Variants in SULT1C4 observed in about 807,000 individuals in gnomAD.
SULT1C4 encodes sulfotransferase family 1C member 4.
SULT1C4 carries 32 observed loss-of-function variants against 34.8 expected under a neutral mutation model. The ratio of observed to expected loss-of-function variants is 0.92; its 90% CI spans 0.69 to 1.23. SULT1C4 has a LOEUF of 1.23. SULT1C4 is among the 50% of genes most tolerant of loss of function. SULT1C4 has a pLI of 0.00. For missense variants in SULT1C4, 375 were observed against 365.9 expected, an observed-to-expected ratio of 1.02 and a Z score of -0.20; for synonymous variants, 111 against 120.5, an observed-to-expected ratio of 0.92 and a Z score of 0.51.
At chr2:108,384,194 G>A (rs990135659) in intron 5 of SULT1C4, among the ~76,000 whole-genome samples, 1 of 151,252 alleles carries the variant, frequency 6.6e-6, no homozygotes, top group Non-Finnish European at 1.5e-5. Flanking sequence ...TAGCACTGAG[G>A]AACATAATAC....
In SULT1C4 at chr2:108,378,638, T is replaced by C. The variant is rs1420935817; in HGVS notation, c.169+132T>C. The C allele has an allele frequency of 1.0e-5, 10 of 969,942 alleles. No homozygotes were observed. The African/African-American group carries it at 1.5e-4, about 14-fold the overall frequency. 60.1% of individuals were successfully genotyped at this position (969,942 alleles called of 1,614,324 possible). A position where few individuals can be genotyped will look rare whatever the true frequency, so the allele number is the denominator to read the frequency against. On this transcript the variant is annotated intron_variant, in intron 1 of 6. Coordinates refer to ENST00000272452, the MANE Select transcript of SULT1C4 (RefSeq NM_006588.4). The stretch of plus-strand genomic sequence containing the variant: ...GAGTGATATGGCTAAGGAAAGTTAC[T>C]AGTGGAAACTGAAGCTATACCGAAA...
chr2:108,382,230 A>G (rs1347270104), intron 2 of SULT1C4, 155 bp from the exon 3 acceptor site: 6 of 699,196 alleles, frequency 8.6e-6, no homozygotes, highest in Admixed American at 7.7e-5. Context: ...CAAAACATCT[A>G]TTCATAGGCT....
chr2:108,380,522 T>C (rs1043795188), intron 1 of SULT1C4, among the ~76,000 whole-genome samples: 2 of 151,496 alleles, frequency 1.3e-5, no homozygotes, highest in African/African-American at 4.9e-5. Flanking sequence ...TCTGGAAAAA[T>C]AAAAAATAAA....
intron 5 of SULT1C4, 131 bp from the exon 6 acceptor site, chr2:108,386,061 T>G (rs1678558164): frequency 1.4e-6 from 1 of 693,308 alleles, no homozygotes; most frequent in Admixed American, 4.2e-5. Context: ...ATGAGTCACT[T>G]GAGCATTTGT....
intron 5 of SULT1C4, among the ~76,000 whole-genome samples, chr2:108,384,225 TTTATTTATTTTA>T (rs1476623760): frequency 7.0e-6 from 1 of 141,932 alleles, no homozygotes; most frequent in Non-Finnish European, 1.5e-5. Flanking sequence ...TATTTATTTA[TTTATTTATTTTA>T]TTTATTTTTT....
At chr2:108,379,094 G>A (rs1378772496) in intron 1 of SULT1C4, among the ~76,000 whole-genome samples, 1 of 152,116 alleles carries the variant, frequency 6.6e-6, no homozygotes, top group Non-Finnish European at 1.5e-5. Context: ...TAAAAATTGG[G>A]TGATGATGAG....
intron 5 of SULT1C4, among the ~76,000 whole-genome samples, chr2:108,384,386 A>G (rs887644018): frequency 1.3e-5 from 2 of 152,062 alleles, no homozygotes; most frequent in African/African-American, 4.8e-5. Context: ...ACCCGCCAGC[A>G]CGCCCGGCTA....
chr2:108,383,092 G>A lies in SULT1C4; in HGVS notation c.394-1G>A. On this transcript the variant is annotated splice_acceptor_variant, in intron 3 of 6. Coordinates refer to ENST00000272452, the MANE Select transcript of SULT1C4 (RefSeq NM_006588.4). LOFTEE classifies it high-confidence loss of function. ...CCTTCCCCTCCCCTCATCATTCCCAGATAATCTATGTAGCAAGAAATCCCA... is the reference window on the plus strand; with the variant it reads ...CCTTCCCCTCCCCTCATCATTCCCAAATAATCTATGTAGCAAGAAATCCCA... The A allele has an allele frequency of 1.3e-6, 2 of 1,567,130 alleles. No homozygotes were observed. The highest frequency in any genetic ancestry group is 2.3e-5 in the East Asian group (1 of 43,828).
intron 1 of SULT1C4, among the ~76,000 whole-genome samples, chr2:108,379,182 T>G (rs183401506): frequency 8.9e-4 from 135 of 152,350 alleles, no homozygotes; most frequent in African/African-American, 3.2e-3. Flanking sequence ...ACACACAAAT[T>G]GTATATACAT....
chr2:108,382,580 TAC>T, intron 3 of SULT1C4, 98 bp downstream of exon 3: 4 of 829,312 alleles, frequency 4.8e-6, no homozygotes, highest in Non-Finnish European at 7.9e-6. Context: ...TATATATATA[TAC>T]CTCTTCACAA....
rs140972065 is a variant in SULT1C4 at position 108,383,441 on chromosome 2, T to C, written c.546T>C (p.His182=). The C allele has an allele frequency of 2.4e-4, 390 of 1,614,170 alleles. No homozygotes were observed. The highest frequency in any genetic ancestry group is 6.3e-4 in the Admixed American group (38 of 60,026). The part of the protein sequence containing the change: ...GKVCWGSWHE[H]VKGWWEAKDK... ...TGTGCTGGGGCTCCTGGCATGAACA[T>C]GTGAAAGGATGGTGGGAAGCCAAAG... Residue 182 remains histidine, a synonymous_variant, in exon 5 of 7, where the codon CAT becomes CAC. Coordinates refer to ENST00000272452, the MANE Select transcript of SULT1C4 (RefSeq NM_006588.4).
At chr2:108,387,180 C>A in intron 6 of SULT1C4, 140 bp from the exon 7 acceptor site, 1 of 599,906 alleles carries the variant, frequency 1.7e-6, no homozygotes, top group Non-Finnish European at 2.9e-6. Context: ...AAGGAAGTGA[C>A]AGGATAGCAA....
At chr2:108,383,846 G>T (rs1317960616) in intron 5 of SULT1C4, among the ~76,000 whole-genome samples, 1 of 148,530 alleles carries the variant, frequency 6.7e-6, no homozygotes, top group East Asian at 1.9e-4. Context: ...GGTTTCTTTG[G>T]TTTTTGGGTT....
intron 6 of SULT1C4, 141 bp from the exon 7 acceptor site, chr2:108,387,179 A>G (rs902440888): frequency 1.7e-6 from 1 of 598,598 alleles, no homozygotes; most frequent in Admixed American, 3.5e-5. Context: ...TAAGGAAGTG[A>G]CAGGATAGCA....
chr2:108,380,614 G>A (rs1008466269), intron 1 of SULT1C4, among the ~76,000 whole-genome samples: 1 of 152,206 alleles, frequency 6.6e-6, no homozygotes, highest in South Asian at 2.1e-4. Context: ...TCATCAAAGG[G>A]TGAAGATTAT....
chr2:108,382,352 A>G, intron 2 of SULT1C4, 33 bp from the exon 3 acceptor site: 1 of 1,566,380 alleles, frequency 6.4e-7, no homozygotes, highest in Non-Finnish European at 8.8e-7. Flanking sequence ...TAAAAAAAAA[A>G]TCGTAGAAAT....
At chr2:108,384,099 T>A (rs1678505511) in intron 5 of SULT1C4, among the ~76,000 whole-genome samples, 1 of 152,002 alleles carries the variant, frequency 6.6e-6, no homozygotes, top group Non-Finnish European at 1.5e-5. Flanking sequence ...GAACTCCTGA[T>A]CCCAAGTGTT....
At chr2:108,379,705 C>T (rs954853618) in intron 1 of SULT1C4, among the ~76,000 whole-genome samples, 2 of 151,926 alleles carry the variant, frequency 1.3e-5, no homozygotes, top group African/African-American at 4.8e-5. Flanking sequence ...TTAATGAAGG[C>T]TATTTTATTA....
rs41485950 is a variant in SULT1C4 at position 108,383,622 on chromosome 2, C to T, written c.615+112C>T. 200 of 866,288 alleles carry T rather than the reference C, an allele frequency of 2.3e-4. 1 individual carries two copies. The East Asian group carries it at 3.5e-3, about 15-fold the overall frequency. The allele number at this position is 866,288 out of a possible 1,614,324, so 53.7% of individuals were successfully genotyped here. A position where few individuals can be genotyped will look rare whatever the true frequency, so the allele number is the denominator to read the frequency against. On this transcript the variant is annotated intron_variant, in intron 5 of 6. Coordinates refer to ENST00000272452, the MANE Select transcript of SULT1C4 (RefSeq NM_006588.4). The stretch of plus-strand genomic sequence containing the variant: ...ATGCGGGGAACCGAAAATTGCTGCA[C>T]TTCATTGGTTACAGCTGTCATTTGT...
Sources: allele counts gnomAD v4.1 joint callset (sites outside exome capture counted in the v4.1 genomes callset), GRCh38; gene constraint gnomAD v4.1.1; transcripts MANE v1.5; gene names NCBI Gene and HGNC (gene_info 2026-07-23, HGNC 2026-07-21).